OTOGL: variants seen among roughly 807,000 people sequenced by gnomAD.
OTOGL encodes otogelin like, also known as otogelin-like protein.
In OTOGL, 285 loss-of-function variants were observed where a neutral mutation model predicts 318.5. The observed-to-expected ratio is 0.89, with a 90% CI of 0.81 to 0.99. The LOEUF (loss-of-function observed/expected upper bound fraction) is 0.99. Ranked by LOEUF, OTOGL falls within the 50% of genes least tolerant of loss-of-function variation. The pLI is 0.00. For synonymous variants in OTOGL, 987 were observed against 936.5 expected (o/e 1.05, Z -0.99); for missense variants, 2,899 against 2,845.6 (o/e 1.02, Z -0.43).
chr12:80,224,053 T>C (rs190057595), intron 7 of OTOGL, among the ~76,000 whole-genome samples: 7 of 152,284 alleles, frequency 4.6e-5, no homozygotes, highest in African/African-American at 1.7e-4. Flanking sequence ...AGAATTTGTA[T>C]GGTTTCACGT....
intron 1 of OTOGL, among the ~76,000 whole-genome samples, chr12:80,166,496 C>T (rs781131429): frequency 9.2e-5 from 14 of 152,196 alleles, no homozygotes; most frequent in Admixed American, 2.0e-4. Context: ...CTGGAATTCA[C>T]GTGAATGAAT....
At chr12:80,137,988 T>A (rs1871684498) in intron 1 of OTOGL, among the ~76,000 whole-genome samples, 1 of 152,232 alleles carries the variant, frequency 6.6e-6, no homozygotes, top group African/African-American at 2.4e-5. Context: ...AAAATTAAGA[T>A]TACTGTATGT....
chr12:80,263,575 C>T (rs1565939545), intron 19 of OTOGL, among the ~76,000 whole-genome samples: 1 of 152,014 alleles, frequency 6.6e-6, no homozygotes, highest in Non-Finnish European at 1.5e-5. Flanking sequence ...GAAAATAAGC[C>T]TGTGAACTAC....
chr12:80,264,298 A>G (rs1018007743), intron 19 of OTOGL, among the ~76,000 whole-genome samples: 2 of 152,134 alleles, frequency 1.3e-5, no homozygotes, highest in Admixed American at 6.5e-5. Flanking sequence ...TCAAGGGAAA[A>G]ATCAACAGAT....
Position 80,238,998 on chromosome 12 carries a change from T to G in OTOGL, c.945+20T>G, listed in dbSNP as rs780596143. On this transcript the variant is annotated intron_variant, in intron 10 of 58. Coordinates refer to ENST00000547103, the MANE Select transcript of OTOGL (RefSeq NM_001378609.3). ...TTTGAGGTAAATTTGATGTGAGAAA[T>G]GTGGGCATGTCAGACAGAATACACA... 8 of 1,589,886 alleles carry G rather than the reference T, an allele frequency of 5.0e-6. No individual in the cohort carries two copies. Among genetic ancestry groups the G allele is most frequent in the Non-Finnish European group, 6.0e-6 (7 of 1,176,044 alleles).
intron 44 of OTOGL, among the ~76,000 whole-genome samples, chr12:80,347,872 G>C (rs1356801469): frequency 6.6e-6 from 1 of 152,134 alleles, no homozygotes; most frequent in Non-Finnish European, 1.5e-5. Context: ...AATGACCAGT[G>C]GTGCTGAACC....
chr12:80,224,480 C>T (rs932825908), intron 7 of OTOGL, among the ~76,000 whole-genome samples: 3 of 151,918 alleles, frequency 2.0e-5, no homozygotes, highest in Non-Finnish European at 4.4e-5. Context: ...ATGGGAATTG[C>T]ATTGAATTTG....
intron 57 of OTOGL, among the ~76,000 whole-genome samples, chr12:80,373,336 G>A (rs533871016): frequency 6.6e-6 from 1 of 152,200 alleles, no homozygotes; most frequent in South Asian, 2.1e-4. Context: ...GGAGGCTGAG[G>A]CAGGAGAATC....
intron 13 of OTOGL, among the ~76,000 whole-genome samples, chr12:80,253,048 A>G (rs946380770): frequency 5.9e-5 from 9 of 152,202 alleles, no homozygotes; most frequent in African/African-American, 2.2e-4. Context: ...ATGCAGTCGC[A>G]TGGTCTTGGA....
intron 1 of OTOGL, among the ~76,000 whole-genome samples, chr12:80,141,793 C>T (rs1871962854): frequency 6.6e-6 from 1 of 152,066 alleles, no homozygotes; most frequent in Non-Finnish European, 1.5e-5. Context: ...AGGGAGTCTG[C>T]AAAGTTCATG....
chr12:80,321,409 T>C (rs1301608328), intron 34 of OTOGL, among the ~76,000 whole-genome samples: 1 of 152,170 alleles, frequency 6.6e-6, no homozygotes, highest in African/African-American at 2.4e-5. Context: ...TGAGAATATA[T>C]TTCTGCAAGC....
At chr12:80,309,374 G>A (rs1280947982) in intron 29 of OTOGL, among the ~76,000 whole-genome samples, 1 of 152,160 alleles carries the variant, frequency 6.6e-6, no homozygotes, top group African/African-American at 2.4e-5. Context: ...AATCTTATAA[G>A]ATTTATAGGA....
rs1208381167 is a variant in OTOGL at position 80,294,146 on chromosome 12, C to T, written c.2929-2681C>T. ...ATTATTACTATGTTGCTTAACAACT[C>T]TGTGGCATTATTTTTAAACCTAATA... On this transcript the variant is annotated intron_variant, in intron 26 of 58. Transcript: ENST00000547103. 3.9e-5 allele frequency among the ~76,000 whole-genome samples: 6 copies of T among 152,078 alleles called. 1 individual carries two copies. In the East Asian group the frequency reaches 7.7e-4, roughly 20 times the overall value.
chr12:80,356,696 G>T, intron 48 of OTOGL, 111 bp from the exon 49 acceptor site: 2 of 637,200 alleles, frequency 3.1e-6, no homozygotes, highest in South Asian at 3.7e-5. Flanking sequence ...ATATATATAT[G>T]ATTAAGAACT....
rs201300161 is a variant in OTOGL at position 80,252,105 on chromosome 12, C to T, written c.1189C>T (p.Arg397Trp). 67 of 1,555,476 alleles carry T rather than the reference C, an allele frequency of 4.3e-5. No individual in the cohort carries two copies. The highest frequency in any genetic ancestry group is 3.3e-4 in the Middle Eastern group (2 of 5,996). Residue 397 changes from arginine to tryptophan, a missense_variant, in exon 13 of 59, where the codon CGG (arginine) becomes TGG (tryptophan). By Grantham distance (101) the Arg-to-Trp change is moderately radical (BLOSUM62 -3). Transcript: ENST00000547103. ...TDKCDDSFVH[R>W]DCISCCPPTC... Reference sequence around the variant, plus strand: ...TAAATGTGATGATAGCTTTGTCCATCGGGACTGTATCAGTTGTTGTCCACC... The same window carrying T: ...TAAATGTGATGATAGCTTTGTCCATTGGGACTGTATCAGTTGTTGTCCACC...
At position 80,323,741 on chromosome 12, in the gene OTOGL, C is replaced by T. The variant is rs771914318; in HGVS notation, c.4100C>T (p.Pro1367Leu). The T allele has an allele frequency of 1.9e-6, 3 of 1,613,620 alleles. No homozygotes were observed. The highest frequency in any genetic ancestry group is 2.7e-5 in the African/African-American group (2 of 74,906). The change falls in exon 35 of 59, where the codon CCT (proline) becomes CTT (leucine). Residue 1367 changes from proline (P) to leucine (L), a missense_variant. Pro to Leu is a moderately conservative substitution (Grantham distance 98, BLOSUM62 -3). This residue lies in a region of OTOGL where 2,607 missense variants were observed against 2,524.9 expected (regional missense o/e 1.03). Transcript: ENST00000547103. ...FSIEEIQAAV[P>L]YRKMCEWRYE... ...TTCCCAGAAATCCAGGCAGCAGTGC[C>T]TTACAGGAAGATGTGTGAATGGAGA...
At chr12:80,140,860 C>A (rs140318879) in intron 1 of OTOGL, among the ~76,000 whole-genome samples, 1 of 152,052 alleles carries the variant, frequency 6.6e-6, no homozygotes, top group Non-Finnish European at 1.5e-5. Context: ...TAAATATATA[C>A]GGACATCAGT....
intron 7 of OTOGL, among the ~76,000 whole-genome samples, chr12:80,225,670 T>C (rs1352332034): frequency 6.6e-6 from 1 of 152,120 alleles, no homozygotes; most frequent in African/African-American, 2.4e-5. Context: ...TCCTACACTT[T>C]CAATTAATAT....
At chr12:80,298,554 CT>C (rs1175652308) in intron 27 of OTOGL, among the ~76,000 whole-genome samples, 3 of 152,130 alleles carry the variant, frequency 2.0e-5, no homozygotes, top group Non-Finnish European at 4.4e-5. Context: ...AGAAGACATG[CT>C]CTGGAGGAAA....
Sources: gnomAD v4.1 joint callset for allele counts (sites outside exome capture counted in the v4.1 genomes callset) on GRCh38, gnomAD v4.1.1 for gene constraint, gnomAD v4.1.1 regional missense constraint, MANE v1.5 for transcripts, NCBI Gene and HGNC (gene_info 2026-07-23, HGNC 2026-07-21) for gene names.